SLC9A8: variants seen among roughly 807,000 people sequenced by gnomAD.
SLC9A8 encodes the protein sodium/hydrogen exchanger 8.
Under a neutral mutation model 66.6 loss-of-function variants are expected in SLC9A8, and 48 were observed. The ratio of observed to expected loss-of-function variants is 0.72; its 90% CI spans 0.57 to 0.92. The LOEUF (loss-of-function observed/expected upper bound fraction) is 0.92, where lower values mean the gene tolerates loss of function less well. Ranked by LOEUF, SLC9A8 falls within the 40% of genes least tolerant of loss-of-function variation. SLC9A8 has a pLI of 0.00. For missense variants in SLC9A8, 599 were observed against 747.3 expected, an observed-to-expected ratio of 0.80 and a Z score of 2.31; for synonymous variants, 274 against 282.6, an observed-to-expected ratio of 0.97 and a Z score of 0.31.
chr20:49,827,526 C>T (rs2086960381), intron 3 of SLC9A8, among the ~76,000 whole-genome samples: 1 of 150,444 alleles, frequency 6.6e-6, no homozygotes, highest in Admixed American at 6.6e-5. Context: ...ATCACTTGAA[C>T]TTGGGAGGCA....
At chr20:49,834,147 C>T (rs1366162294) in intron 3 of SLC9A8, among the ~76,000 whole-genome samples, 1 of 39,030 alleles carries the variant, frequency 2.6e-5, no homozygotes, top group Non-Finnish European at 4.5e-5. Flanking sequence ...TTGTCTCTCT[C>T]TCTCTCTCTC....
intron 8 of SLC9A8, among the ~76,000 whole-genome samples, chr20:49,862,381 C>G (rs923043527): frequency 1.3e-5 from 2 of 152,170 alleles, no homozygotes; most frequent in Non-Finnish European, 2.9e-5. Flanking sequence ...CCTGCCTCAG[C>G]CTCCCGAGTA....
At chr20:49,860,969 A>G (rs890625758) in intron 8 of SLC9A8, among the ~76,000 whole-genome samples, 1 of 152,146 alleles carries the variant, frequency 6.6e-6, no homozygotes, top group Non-Finnish European at 1.5e-5. Context: ...CACCATGACA[A>G]CCTTTAAATG....
In SLC9A8 at chr20:49,889,739, T is replaced by C. The variant is rs1217001566; in HGVS notation, c.*1803T>C. ...GTGGAGAAGAGAGGAAGTCAGAGGG[T>C]AGGGACCTTTGCCTGCCCCTGGGCG... is the stretch of plus-strand genomic sequence containing the variant. On this transcript the variant is annotated 3_prime_UTR_variant, in exon 16 of 16. Transcript: ENST00000361573. 6.6e-6 allele frequency: 1 copy of C among 152,140 alleles called. No homozygotes were observed. Among genetic ancestry groups the C allele is most frequent in the African/African-American group, 2.4e-5 (1 of 41,422 alleles). The allele number at this position is 152,140 out of a possible 1,614,324, so 9.4% of individuals were successfully genotyped here. A position where few individuals can be genotyped will look rare whatever the true frequency, so the allele number is the denominator to read the frequency against.
chr20:49,887,091 C>T (rs2089919974), intron 15 of SLC9A8, among the ~76,000 whole-genome samples, 193 bp downstream of exon 15: 1 of 152,198 alleles, frequency 6.6e-6, no homozygotes, highest in South Asian at 2.1e-4. Flanking sequence ...TCCTTCGCTG[C>T]CACATTTAGT....
intron 3 of SLC9A8, chr20:49,829,943 C>T (rs989557256): frequency 2.0e-5 from 12 of 588,546 alleles, no homozygotes; most frequent in African/African-American, 9.3e-5. Flanking sequence ...TCCCCAGAAG[C>T]GGGGTCAGCC....
chr20:49,834,280 GTATA>G (rs1262430671), intron 3 of SLC9A8, among the ~76,000 whole-genome samples: 1 of 127,006 alleles, frequency 7.9e-6, no homozygotes, highest in Non-Finnish European at 1.6e-5. Context: ...TATACACACA[GTATA>G]TGTATATACA....
At position 49,849,577 on chromosome 20, in the gene SLC9A8, A is replaced by G; in HGVS notation, c.433-2A>G. On this transcript the variant is annotated splice_acceptor_variant, in intron 5 of 15. Coordinates refer to ENST00000361573, the MANE Select transcript of SLC9A8 (RefSeq NM_015266.3). LOFTEE classifies it high-confidence loss of function. ...TTCCCTGATTTCTGCTCTTTCAAAC[A>G]GGGTAACTTCTTTCAAAATATTGGT... The G allele has an allele frequency of 6.2e-7, 1 of 1,610,406 alleles. No individual in the cohort carries two copies. Among genetic ancestry groups the G allele is most frequent in the Non-Finnish European group, 8.5e-7 (1 of 1,176,756 alleles).
At chr20:49,841,121 A>C (rs1375200562) in intron 4 of SLC9A8, among the ~76,000 whole-genome samples, 1 of 152,114 alleles carries the variant, frequency 6.6e-6, no homozygotes, top group Non-Finnish European at 1.5e-5. Context: ...CCTGGCCAAC[A>C]TGGTGAAACC....
At chr20:49,875,871 A>T (rs910565995) in intron 11 of SLC9A8, among the ~76,000 whole-genome samples, 13 of 151,984 alleles carry the variant, frequency 8.6e-5, no homozygotes, top group African/African-American at 2.9e-4. Flanking sequence ...AGTAGCTGGG[A>T]CTATAGGTGC....
intron 13 of SLC9A8, among the ~76,000 whole-genome samples, 153 bp downstream of exon 13, chr20:49,881,188 C>T (rs2089613979): frequency 6.6e-6 from 1 of 152,246 alleles, no homozygotes; most frequent in South Asian, 2.1e-4. Context: ...AAGATGGTGC[C>T]CCTCACCATG....
chr20:49,877,739 T>G (rs2089477099), intron 11 of SLC9A8, among the ~76,000 whole-genome samples: 1 of 152,210 alleles, frequency 6.6e-6, no homozygotes. Flanking sequence ...GCAGAAGTAT[T>G]TGACAGTTGA....
chr20:49,850,491 TG>T (rs1362621588), intron 6 of SLC9A8, among the ~76,000 whole-genome samples: 1 of 152,240 alleles, frequency 6.6e-6, no homozygotes, highest in Non-Finnish European at 1.5e-5. Context: ...ATTGCAGCTT[TG>T]ATGGCACCAG....
At chr20:49,832,214 A>C (rs1203417732) in intron 3 of SLC9A8, among the ~76,000 whole-genome samples, 1 of 152,084 alleles carries the variant, frequency 6.6e-6, no homozygotes, top group Non-Finnish European at 1.5e-5. Context: ...TCTTTGGCCC[A>C]GACCCAGCCT....
chr20:49,821,996 G>A (rs1440941432), intron 2 of SLC9A8, among the ~76,000 whole-genome samples: 1 of 152,194 alleles, frequency 6.6e-6, no homozygotes, highest in Non-Finnish European at 1.5e-5. Context: ...CCAGTGGTGT[G>A]ACAGGGGCTG....
At chr20:49,880,790 G>C in intron 12 of SLC9A8, 134 bp from the exon 13 acceptor site, 1 of 653,196 alleles carries the variant, frequency 1.5e-6, no homozygotes, top group Non-Finnish European at 2.8e-6. Flanking sequence ...GGTGTTGCTC[G>C]TGTCTTTTGT....
intron 8 of SLC9A8, among the ~76,000 whole-genome samples, 158 bp downstream of exon 8, chr20:49,855,739 C>A (rs1301120031): frequency 6.6e-6 from 1 of 152,162 alleles, no homozygotes; most frequent in Non-Finnish European, 1.5e-5. Context: ...TCCTGACAAG[C>A]CTTGATGTGC....
chr20:49,841,529 T>C (rs2087759986), intron 4 of SLC9A8, among the ~76,000 whole-genome samples: 1 of 151,876 alleles, frequency 6.6e-6, no homozygotes, highest in Admixed American at 6.6e-5. Context: ...ATCATGTGCT[T>C]AATATTTTTC....
intron 2 of SLC9A8, chr20:49,815,481 G>T: frequency 4.3e-6 from 1 of 232,438 alleles, no homozygotes; most frequent in Non-Finnish European, 8.3e-6. Context: ...TGGCGCGGTG[G>T]CTCAAGCCTG....
Sources: gnomAD v4.1 joint callset for allele counts (sites outside exome capture counted in the v4.1 genomes callset) on GRCh38, gnomAD v4.1.1 for gene constraint, MANE v1.5 for transcripts, NCBI Gene and HGNC (gene_info 2026-07-23, HGNC 2026-07-21) for gene names.